The following RPA3 variants were observed in gnomAD, a reference collection of about 807,000 sequenced individuals.
RPA3 encodes the protein replication protein A 14 kDa subunit.
In RPA3, 24 loss-of-function variants were observed where a neutral mutation model predicts 13.7. That is an observed-to-expected ratio of 1.75 (90% CI 1.27 to 2.46). RPA3 has a LOEUF of 2.46. Among genes scored for constraint, RPA3 ranks in the 30% most tolerant of loss-of-function variants. RPA3 has a pLI of 0.00. For synonymous variants in RPA3, 59 were observed against 51.2 expected (o/e 1.15, Z -0.65); for missense variants, 183 against 151.0 (o/e 1.21, Z -1.11).
At chr7:7,713,113 C>T (rs1780808686) in intron 2 of RPA3, among the ~76,000 whole-genome samples, 1 of 151,614 alleles carries the variant, frequency 6.6e-6, no homozygotes, top group Non-Finnish European at 1.5e-5. Context: ...CTAAGGCAGG[C>T]AGATCACAAG....
At chr7:7,667,880 A>G (rs1007093912) in intron 4 of RPA3, among the ~76,000 whole-genome samples, 1 of 152,138 alleles carries the variant, frequency 6.6e-6, no homozygotes, top group East Asian at 1.9e-4. Context: ...GCTCTACTCT[A>G]CTAGCTATGT....
intron 6 of RPA3, chr7:7,638,799 T>C (rs1186752851): frequency 3.2e-6 from 1 of 307,964 alleles, no homozygotes; most frequent in Non-Finnish European, 5.9e-6. Context: ...TTTTCTTATG[T>C]GATTTTATGG....
intron 4 of RPA3, among the ~76,000 whole-genome samples, chr7:7,674,240 A>G (rs1349553869): frequency 6.6e-6 from 1 of 152,132 alleles, no homozygotes; most frequent in East Asian, 1.9e-4. Context: ...ACTCCCTGGA[A>G]TGTTTCTCTG....
At chr7:7,681,871 G>A (rs746888058) in intron 4 of RPA3, among the ~76,000 whole-genome samples, 13 of 152,072 alleles carry the variant, frequency 8.5e-5, no homozygotes, top group East Asian at 1.9e-4. Flanking sequence ...GGGATATTGC[G>A]TAAATGTTAG....
intron 4 of RPA3, among the ~76,000 whole-genome samples, chr7:7,652,040 G>A (rs1406342934): frequency 6.6e-6 from 1 of 152,198 alleles, no homozygotes; most frequent in Non-Finnish European, 1.5e-5. Flanking sequence ...AAGGAAGGGA[G>A]GAAATCTAGT....
At chr7:7,646,855 GT>G (rs1785107252) in intron 4 of RPA3, among the ~76,000 whole-genome samples, 1 of 152,096 alleles carries the variant, frequency 6.6e-6, no homozygotes, top group Non-Finnish European at 1.5e-5. Context: ...GGAGCCTGGG[GT>G]TTGGGGTTTA....
intron 4 of RPA3, among the ~76,000 whole-genome samples, chr7:7,642,019 G>A (rs28916286): frequency 6.6e-6 from 1 of 152,128 alleles, no homozygotes; most frequent in Non-Finnish European, 1.5e-5. Flanking sequence ...GGTTGTATTG[G>A]TGCAAGTCAG....
chr7:7,716,862 C>T (rs1040572470), intron 1 of RPA3, among the ~76,000 whole-genome samples: 17 of 152,156 alleles, frequency 1.1e-4, no homozygotes, highest in African/African-American at 3.4e-4. Flanking sequence ...AGGAGAATGG[C>T]GTGAACCTGG....
intron 4 of RPA3, among the ~76,000 whole-genome samples, chr7:7,685,423 C>T (rs1780021604): frequency 6.6e-6 from 1 of 151,808 alleles, no homozygotes; most frequent in Non-Finnish European, 1.5e-5. Flanking sequence ...GATTCTCCTG[C>T]CTCAGCCTTC....
intron 4 of RPA3, among the ~76,000 whole-genome samples, chr7:7,646,370 C>T (rs538816089): frequency 1.3e-3 from 191 of 151,488 alleles, no homozygotes; most frequent in Admixed American, 2.7e-3. Flanking sequence ...GGGAGGGACC[C>T]GATGAGAGAT....
intron 4 of RPA3, among the ~76,000 whole-genome samples, chr7:7,679,622 T>C (rs1468082771): frequency 1.9e-5 from 1 of 52,212 alleles, no homozygotes; most frequent in East Asian, 5.1e-4. Context: ...TAGATAAATA[T>C]ATATTTATAT....
chr7:7,684,229 G>A (rs1299290110), intron 4 of RPA3, among the ~76,000 whole-genome samples: 1 of 150,892 alleles, frequency 6.6e-6, no homozygotes, highest in Non-Finnish European at 1.5e-5. Flanking sequence ...TTGAGACAGT[G>A]TCTCACTCCA....
At chr7:7,646,533 C>T (rs570215348) in intron 4 of RPA3, among the ~76,000 whole-genome samples, 21 of 139,200 alleles carry the variant, frequency 1.5e-4, no homozygotes, top group South Asian at 4.5e-4. Flanking sequence ...CCATGTAAGA[C>T]GTACCTTTTG....
chr7:7,670,738 A>C (rs4140803), intron 4 of RPA3, among the ~76,000 whole-genome samples: 140,766 of 152,212 alleles, frequency 0.92, 65,198 homozygotes, highest in African/African-American at 0.98. Context: ...CCCCTCCTTT[A>C]CCCTTACACC....
intron 2 of RPA3, among the ~76,000 whole-genome samples, chr7:7,699,256 T>C (rs2115150860): frequency 6.6e-6 from 1 of 152,272 alleles, no homozygotes; most frequent in South Asian, 2.1e-4. Flanking sequence ...TCAGACTCAT[T>C]TTAATAATAT....
chr7:7,662,834 A>G (rs1395483991), intron 4 of RPA3, among the ~76,000 whole-genome samples: 1 of 152,198 alleles, frequency 6.6e-6, no homozygotes, highest in Non-Finnish European at 1.5e-5. Flanking sequence ...TGTGGTGTTT[A>G]GATTTTGTTG....
Position 7,640,335 on chromosome 7 carries a change from T to A in RPA3, c.84A>T (p.Val28=). ...AQFIDKPVCF[V]GRLEKIHPTG... ...ACCCGCACACCTTTTCCAGCCTCCCTACGAAGCAGACAGGCTTGTCGATGA... is the reference window on the plus strand; with the variant it reads ...ACCCGCACACCTTTTCCAGCCTCCCAACGAAGCAGACAGGCTTGTCGATGA... Residue 28 remains valine (V), a synonymous_variant, in exon 5 of 8, where the codon GTA becomes GTT. Transcript: ENST00000223129. 1 of 1,614,034 alleles carries A rather than the reference T, an allele frequency of 6.2e-7. No homozygotes were observed. Among genetic ancestry groups the A allele is most frequent in the Non-Finnish European group, 8.5e-7 (1 of 1,179,960 alleles).
intron 4 of RPA3, among the ~76,000 whole-genome samples, chr7:7,660,535 G>C (rs538558074): frequency 1.5e-4 from 23 of 152,298 alleles, no homozygotes; most frequent in African/African-American, 5.3e-4. Context: ...TGTTTGTAAA[G>C]GATTTTATTT....
At chr7:7,651,980 G>A (rs1229864486) in intron 4 of RPA3, among the ~76,000 whole-genome samples, 1 of 152,140 alleles carries the variant, frequency 6.6e-6, no homozygotes, top group Non-Finnish European at 1.5e-5. Flanking sequence ...CCTTGCAAGA[G>A]CTGTGACTTC....
Sources: allele counts gnomAD v4.1 joint callset (sites outside exome capture counted in the v4.1 genomes callset), GRCh38; gene constraint gnomAD v4.1.1; transcripts MANE v1.5; gene names NCBI Gene and HGNC (gene_info 2026-07-23, HGNC 2026-07-21).